Variants in OGDHL observed in about 807,000 individuals in gnomAD.
OGDHL encodes oxoglutarate dehydrogenase L, also known as 2-oxoglutarate dehydrogenase-like, mitochondrial.
A neutral mutation model predicts 109.6 loss-of-function variants in OGDHL; 79 were observed. The observed-to-expected ratio is 0.72, with a 90% CI of 0.60 to 0.87. OGDHL has a LOEUF of 0.87. Ranked by LOEUF, OGDHL falls within the 40% of genes least tolerant of loss-of-function variation. OGDHL has a pLI of 0.00. For missense variants in OGDHL, 1,275 were observed against 1,362.2 expected (o/e 0.94, Z 1.01); for synonymous variants, 528 against 537.2 (o/e 0.98, Z 0.24).
At position 49,750,983 on chromosome 10, in the gene OGDHL, A is replaced by G. The variant is rs778661254; in HGVS notation, c.752T>C (p.Phe251Ser). Residue 251 changes from phenylalanine to serine, a missense_variant and splice_region_variant, in exon 7 of 23, where the codon TTT becomes TCT. Phe to Ser is a radical substitution (Grantham distance 155). Transcript: ENST00000374103. Reference sequence around the variant, plus strand: ...CCATTTCCGGGCCAGGAAGTCTTCAAACCTGCTTGGGGAGAGGATGGGAAG... The same window carrying G: ...CCATTTCCGGGCCAGGAAGTCTTCAGACCTGCTTGGGGAGAGGATGGGAAG... ...LLARLVRSMRFEDFLARKWSS... is the reference protein window; with the variant it reads ...LLARLVRSMRSEDFLARKWSS... The G allele has an allele frequency of 5.6e-6, 9 of 1,601,054 alleles. No homozygotes were observed. The highest frequency in any genetic ancestry group is 7.7e-6 in the Non-Finnish European group (9 of 1,171,368).
intron 1 of OGDHL, among the ~76,000 whole-genome samples, chr10:49,759,208 T>C (rs1843112293): frequency 6.6e-6 from 1 of 151,806 alleles, no homozygotes; most frequent in Non-Finnish European, 1.5e-5. Flanking sequence ...TGGGCCAGAG[T>C]GCCCTCTCTC....
rs1842621169 is a variant in OGDHL at position 49,751,911 on chromosome 10, C to T, written c.665G>A (p.Arg222Gln). 5 of 1,614,040 alleles carry T rather than the reference C, an allele frequency of 3.1e-6. No homozygotes were observed. Among genetic ancestry groups the T allele is most frequent in the Non-Finnish European group, 4.2e-6 (5 of 1,180,032 alleles). The part of the protein sequence containing the change: ...INDVEQCQWI[R>Q]QKFETPGVMQ... ...CACACCAGGGGTCTCAAACTTCTGCCGGATCCACTGGCACTGCTCCACATC... is the reference window on the plus strand; with the variant it reads ...CACACCAGGGGTCTCAAACTTCTGCTGGATCCACTGGCACTGCTCCACATC... The change falls in exon 6 of 23, where the codon CGG becomes CAG. Residue 222 changes from arginine (R) to glutamine (Q), a missense_variant. Arg to Gln is a conservative substitution (Grantham distance 43). Coordinates refer to ENST00000374103, the MANE Select transcript of OGDHL (RefSeq NM_018245.3).
chr10:49,752,676 A>G lies in OGDHL; in HGVS notation c.440T>C (p.Phe147Ser). Residue 147 changes from phenylalanine to serine, a missense_variant, in exon 4 of 23, where the codon TTT (phenylalanine) becomes TCT (serine). By Grantham distance (155) the Phe-to-Ser change is radical. Coordinates refer to ENST00000374103, the MANE Select transcript of OGDHL (RefSeq NM_018245.3). Reference sequence around the variant, plus strand: ...GGTTGTGATCAAGTCTGAGGGCACAAAGGAGTCCAGGTCTGCATCCAGAAT... The same window carrying G: ...GGTTGTGATCAAGTCTGAGGGCACAGAGGAGTCCAGGTCTGCATCCAGAAT... ...LGILDADLDS[F>S]VPSDLITTID... 1.2e-6 allele frequency: 2 copies of G among 1,614,176 alleles called. No homozygotes were observed.
rs1163208240 is a variant in OGDHL at position 49,751,996 on chromosome 10, T to C, written c.595-15A>G. The C allele has an allele frequency of 2.5e-6, 4 of 1,613,930 alleles. No individual in the cohort carries two copies. The Admixed American group carries it at 6.7e-5, about 27-fold the overall frequency. On this transcript the variant is annotated splice_polypyrimidine_tract_variant and intron_variant, in intron 5 of 22. Transcript: ENST00000374103. ...CAGTAGGTGTTCTGGGGAGACACAT[T>C]GGGACCCCATGAGGAGCGGGGAAGA...
chr10:49,752,534 G>T, intron 4 of OGDHL, 104 bp downstream of exon 4: 1 of 995,978 alleles, frequency 1.0e-6, no homozygotes, highest in East Asian at 2.4e-5. Flanking sequence ...GCTGCTCCCC[G>T]AGCTCCATGG....
intron 2 of OGDHL, among the ~76,000 whole-genome samples, chr10:49,758,084 C>T (rs1234768046): frequency 6.6e-6 from 1 of 152,200 alleles, no homozygotes; most frequent in Non-Finnish European, 1.5e-5. Context: ...CATACACAAA[C>T]ACGTATGTCC....
At chr10:49,747,306 T>G in intron 8 of OGDHL, 98 bp from the exon 9 acceptor site, 1 of 1,320,614 alleles carries the variant, frequency 7.6e-7, no homozygotes, top group Non-Finnish European at 1.1e-6. Context: ...GCTGGCACAT[T>G]CCCCCGATCC....
chr10:49,749,939 C>A (rs899320308), intron 7 of OGDHL, 123 bp from the exon 8 acceptor site: 1 of 703,908 alleles, frequency 1.4e-6, no homozygotes, highest in Admixed American at 2.8e-5. Flanking sequence ...CTCCTCAGGC[C>A]ACCCAATCAC....
rs961618504 is a variant in OGDHL at position 49,735,091 on chromosome 10, T to C, written c.*137A>G. 5.0e-5 allele frequency: 55 copies of C among 1,095,078 alleles called. No individual in the cohort carries two copies. Among genetic ancestry groups the C allele is most frequent in the Non-Finnish European group, 7.1e-5 (54 of 764,104 alleles). The allele number at this position is 1,095,078 out of a possible 1,614,324, so 67.8% of individuals were successfully genotyped here. A position where few individuals can be genotyped will look rare whatever the true frequency, so the allele number is the denominator to read the frequency against. ...CACCAAGGCCAGCAGTGCTGGCTCT[T>C]GGCCCTGTCACTGTGTCTGTTTTAT... On this transcript the variant is annotated 3_prime_UTR_variant, in exon 23 of 23. Transcript: ENST00000374103.
Position 49,751,835 on chromosome 10 carries a change from GC to G in OGDHL, c.740del (p.Arg247ProfsTer3). On this transcript the variant is annotated frameshift_variant, in exon 6 of 23. Coordinates refer to ENST00000374103, the MANE Select transcript of OGDHL (RefSeq NM_018245.3). LOFTEE classifies it high-confidence loss of function. ...EKRTLLARLV[R>X]SMRFEDFLAR... is the part of the protein sequence containing the mutation. ...CTCCAGGTGGTGCCAACCTCATGGA[GC>G]GCACTAGCCGGGCCAGCAGGGTCCG... 6.2e-7 allele frequency: 1 copy of G among 1,613,706 alleles called. No individual in the cohort carries two copies. Among genetic ancestry groups the G allele is most frequent in the Non-Finnish European group, 8.5e-7 (1 of 1,179,914 alleles).
chr10:49,758,362 G>T, intron 2 of OGDHL, 27 bp downstream of exon 2: 2 of 1,585,644 alleles, frequency 1.3e-6, no homozygotes, highest in South Asian at 1.1e-5. Context: ...CCCTTGCGGT[G>T]GCCCAGGGTA....
In OGDHL at chr10:49,738,040, G is replaced by A. The variant is rs200663119; in HGVS notation, c.2424C>T (p.Leu808=). Residue 808 remains leucine (L), a synonymous_variant, in exon 19 of 23, where the codon CTC becomes CTT. Transcript: ENST00000374103. ...AFTKDFEVSQ[L]YDCNWIVVNC... ...TGACCACGATCCAGTTGCAGTCATA[G>A]AGCTGGCTCACCTCGAAGTCCTTGG... 6.2e-7 allele frequency: 1 copy of A among 1,614,202 alleles called. No individual in the cohort carries two copies. Among genetic ancestry groups the A allele is most frequent in the Admixed American group, 1.7e-5 (1 of 60,030 alleles).
At chr10:49,742,520 A>AC (rs1841850687) in intron 15 of OGDHL, among the ~76,000 whole-genome samples, 1 of 128,172 alleles carries the variant, frequency 7.8e-6, no homozygotes, top group Non-Finnish European at 1.7e-5. Flanking sequence ...CATACACACC[A>AC]AACACACCAC....
At position 49,737,781 on chromosome 10, in the gene OGDHL, C is replaced by T. The variant is rs1267153435; in HGVS notation, c.2590+5G>A. The T allele has an allele frequency of 3.7e-6, 6 of 1,614,034 alleles. No individual in the cohort carries two copies. Among genetic ancestry groups the T allele is most frequent in the African/African-American group, 2.7e-5 (2 of 74,934 alleles). On this transcript the variant is annotated splice_donor_5th_base_variant and intron_variant, in intron 20 of 22. Coordinates refer to ENST00000374103, the MANE Select transcript of OGDHL (RefSeq NM_018245.3). Reference sequence around the variant, plus strand: ...CTACCCCACACACCCAGGCCAGGCACGTACCGGATACCATTTGGTCAAAGC... The same window carrying T: ...CTACCCCACACACCCAGGCCAGGCATGTACCGGATACCATTTGGTCAAAGC...
chr10:49,743,323 C>T lies in OGDHL; in HGVS notation c.1862-345G>A, dbSNP rs143584015. Among the ~76,000 whole-genome samples, 3 of 152,324 alleles carry T rather than the reference C, an allele frequency of 2.0e-5. No individual in the cohort carries two copies. In the East Asian group the frequency reaches 5.8e-4, roughly 29 times the overall value. On this transcript the variant is annotated intron_variant, in intron 14 of 22. Transcript: ENST00000374103. ...ATGCTGTGCTCCTGTCAGCCCCACA[C>T]ACAGAGGCTAACACACAAACAGAGC... is the stretch of plus-strand genomic sequence containing the variant.
Position 49,738,242 on chromosome 10 carries a change from C to T in OGDHL, c.2340G>A (p.Ala780=), listed in dbSNP as rs771265292. ...TCATCTGCAGGAACCTTTCGGGCCT[C>T]GCTGACGAGTGCTCTGGGCCCTGAA... is the stretch of plus-strand genomic sequence containing the variant. ...MEGMGPEHSS[A]RPERFLQMSN... Residue 780 remains alanine (A), a synonymous_variant, in exon 18 of 23, where the codon GCG becomes GCA. Transcript: ENST00000374103. The T allele has an allele frequency of 7.4e-6, 12 of 1,613,248 alleles. No individual in the cohort carries two copies. Among genetic ancestry groups the T allele is most frequent in the Admixed American group, 1.7e-5 (1 of 60,012 alleles).
Position 49,752,218 on chromosome 10 carries a change from T to C in OGDHL, c.509A>G (p.Asp170Gly). ...GGTTGTCGGCAGCTGGAACTCCTTA[T>C]CAAGGTCAGCCTCCTGAAGGTCATA... The part of the protein sequence containing the change: ...AFYDLQEADL[D>G]KEFQLPTTTF... The change falls in exon 5 of 23, where the codon GAT becomes GGT. Residue 170 changes from aspartate (D) to glycine (G), a missense_variant. Coordinates refer to ENST00000374103, the MANE Select transcript of OGDHL (RefSeq NM_018245.3). 2 of 1,613,996 alleles carry C rather than the reference T, an allele frequency of 1.2e-6. No homozygotes were observed. Among genetic ancestry groups the C allele is most frequent in the Non-Finnish European group, 1.7e-6 (2 of 1,180,018 alleles).
At chr10:49,749,582 AC>A (rs1269682722) in intron 8 of OGDHL, 143 bp downstream of exon 8, 4 of 702,642 alleles carry the variant, frequency 5.7e-6, no homozygotes, top group Non-Finnish European at 9.2e-6. Context: ...TCAGGCAAAC[AC>A]CCAGCCTCTC....
intron 3 of OGDHL, among the ~76,000 whole-genome samples, chr10:49,756,424 C>T (rs1350402819): frequency 6.6e-6 from 1 of 152,156 alleles, no homozygotes; most frequent in Non-Finnish European, 1.5e-5. Context: ...GATGCCCATT[C>T]TAGAGGAGAA....
Sources: gnomAD v4.1 joint callset for allele counts (sites outside exome capture counted in the v4.1 genomes callset) on GRCh38, gnomAD v4.1.1 for gene constraint, MANE v1.5 for transcripts, NCBI Gene and HGNC (gene_info 2026-07-23, HGNC 2026-07-21) for gene names.